KCNH7: variants seen among roughly 807,000 people sequenced by gnomAD.
The protein encoded by KCNH7 is potassium voltage-gated channel subfamily H member 7.
KCNH7 carries 49 observed loss-of-function variants against 120.8 expected under a neutral mutation model. The ratio of observed to expected loss-of-function variants is 0.41; its 90% confidence interval spans 0.32 to 0.51. The LOEUF (loss-of-function observed/expected upper bound fraction) is 0.51. Ranked by LOEUF, KCNH7 falls within the 20% of genes least tolerant of loss-of-function variation. The pLI is 0.38. For missense variants in KCNH7, 1,097 were observed against 1,446.6 expected (o/e 0.76, Z 3.92); for synonymous variants, 547 against 516.1 (o/e 1.06, Z -0.81).
At chr2:162,659,890 T>G (rs1399244289) in intron 2 of KCNH7, among the ~76,000 whole-genome samples, 1 of 152,168 alleles carries the variant, frequency 6.6e-6, no homozygotes, top group East Asian at 1.9e-4. Flanking sequence ...CTGGTAGAAC[T>G]CACCATTGAA....
chr2:162,645,956 T>C (rs116057205), intron 2 of KCNH7, among the ~76,000 whole-genome samples: 63 of 152,310 alleles, frequency 4.1e-4, no homozygotes, highest in Non-Finnish European at 6.9e-4. Flanking sequence ...GTCACAGTTA[T>C]TTGCCCATCT....
intron 8 of KCNH7, among the ~76,000 whole-genome samples, chr2:162,424,357 G>A (rs1379986504): frequency 6.6e-6 from 1 of 152,058 alleles, no homozygotes; most frequent in East Asian, 1.9e-4. Context: ...AGCTCTTTAA[G>A]CACTTTCTCT....
At chr2:162,647,166 TG>T (rs1458411694) in intron 2 of KCNH7, among the ~76,000 whole-genome samples, 6 of 152,166 alleles carry the variant, frequency 3.9e-5, no homozygotes, top group Non-Finnish European at 8.8e-5. Context: ...ATGGGTGTCA[TG>T]TTAATTAGTT....
intron 2 of KCNH7, among the ~76,000 whole-genome samples, chr2:162,812,247 A>G (rs2105570772): frequency 6.6e-6 from 1 of 152,234 alleles, no homozygotes; most frequent in African/African-American, 2.4e-5. Context: ...GCCCCTAAAT[A>G]TTTGAGGAAA....
At chr2:162,535,632 A>G (rs1692078131) in intron 3 of KCNH7, among the ~76,000 whole-genome samples, 1 of 151,826 alleles carries the variant, frequency 6.6e-6, no homozygotes, top group African/African-American at 2.4e-5. Flanking sequence ...TAACTTATAC[A>G]ATTAATGTGA....
chr2:162,423,573 C>A, intron 8 of KCNH7, 38 bp from the exon 9 acceptor site: 2 of 1,566,270 alleles, frequency 1.3e-6, no homozygotes, highest in Middle Eastern at 1.7e-4. Flanking sequence ...GGGGAAACTG[C>A]ACATAGGTGT....
At chr2:162,790,844 G>T (rs1574395787) in intron 2 of KCNH7, among the ~76,000 whole-genome samples, 1 of 151,838 alleles carries the variant, frequency 6.6e-6, no homozygotes, top group African/African-American at 2.4e-5. Flanking sequence ...CATTAAAAAG[G>T]CCATATATAA....
intron 6 of KCNH7, among the ~76,000 whole-genome samples, chr2:162,463,880 AATATTAGGTTT>A (rs1689229047): frequency 6.6e-6 from 1 of 151,882 alleles, no homozygotes; most frequent in Non-Finnish European, 1.5e-5. Flanking sequence ...CAATTAGAAA[AATATTAGGTTT>A]TAATTATGAT....
intron 6 of KCNH7, among the ~76,000 whole-genome samples, chr2:162,470,377 G>A (rs1689470526): frequency 6.6e-6 from 1 of 151,336 alleles, no homozygotes; most frequent in African/African-American, 2.4e-5. Flanking sequence ...TGGGAGGTGA[G>A]GAGCGTCTCT....
chr2:162,652,479 CCTCAGATCAT>C (rs1485093459), intron 2 of KCNH7, among the ~76,000 whole-genome samples: 1 of 152,102 alleles, frequency 6.6e-6, no homozygotes, highest in African/African-American at 2.4e-5. Context: ...AACTGTTCCA[CCTCAGATCAT>C]CTCAGATCAT....
Position 162,648,402 on chromosome 2 carries a change from C to T in KCNH7, c.308-111322G>A, listed in dbSNP as rs11898118. Among the ~76,000 whole-genome samples the T allele has an allele frequency of 2.7e-3, 407 of 152,298 alleles. 3 individuals are homozygous for T. Among genetic ancestry groups the T allele is most frequent in the African/African-American group, 8.9e-3 (371 of 41,568 alleles). On this transcript the variant is annotated intron_variant, in intron 2 of 15. Coordinates refer to ENST00000332142, the MANE Select transcript of KCNH7 (RefSeq NM_033272.4). ...GCCCCCATGATTCAGTCACCTCCCA[C>T]CAGGTCCTTCCTTCAACACATGGAT...
Position 162,372,032 on chromosome 2 carries a change from C to T in KCNH7, c.3388G>A (p.Val1130Met). ...LKSKESLSSGVHLNTASEDNL... is the reference protein window; with the variant it reads ...LKSKESLSSGMHLNTASEDNL... ...TCTTCTGAAGCTGTGTTCAGATGCA[C>T]CCCACTTGAAAGGGATTCTTTGGAT... The change falls in exon 16 of 16, where the codon GTG becomes ATG. Residue 1130 changes from valine (V) to methionine (M), a missense_variant. Coordinates refer to ENST00000332142, the MANE Select transcript of KCNH7 (RefSeq NM_033272.4). The T allele has an allele frequency of 6.2e-7, 1 of 1,612,836 alleles. No homozygotes were observed. Among genetic ancestry groups the T allele is most frequent in the Non-Finnish European group, 8.5e-7 (1 of 1,178,974 alleles).
At chr2:162,406,288 A>C (rs1687217776) in intron 9 of KCNH7, among the ~76,000 whole-genome samples, 1 of 151,942 alleles carries the variant, frequency 6.6e-6, no homozygotes, top group South Asian at 2.1e-4. Context: ...AAAAGAATCA[A>C]AATGTATTCT....
chr2:162,457,082 A>G (rs1688988247), intron 6 of KCNH7, among the ~76,000 whole-genome samples: 1 of 152,158 alleles, frequency 6.6e-6, no homozygotes, highest in Admixed American at 6.6e-5. Flanking sequence ...AAAGTCACAA[A>G]TAAGTTAAAA....
At chr2:162,715,879 T>C (rs1687100236) in intron 2 of KCNH7, among the ~76,000 whole-genome samples, 1 of 152,132 alleles carries the variant, frequency 6.6e-6, no homozygotes, top group Admixed American at 6.6e-5. Flanking sequence ...TTATGTTAAA[T>C]GTATAGATTA....
At chr2:162,511,645 G>A (rs913298832) in intron 5 of KCNH7, among the ~76,000 whole-genome samples, 1 of 151,630 alleles carries the variant, frequency 6.6e-6, no homozygotes, top group Admixed American at 6.6e-5. Context: ...CTAGGTTGCT[G>A]ACCAAACATT....
intron 2 of KCNH7, among the ~76,000 whole-genome samples, chr2:162,635,947 C>T (rs933550497): frequency 5.9e-5 from 9 of 152,036 alleles, no homozygotes; most frequent in African/African-American, 1.4e-4. Flanking sequence ...CTCTCTCTTA[C>T]GAATAATTCT....
intron 6 of KCNH7, among the ~76,000 whole-genome samples, chr2:162,484,876 C>G (rs560031800): frequency 8.8e-4 from 134 of 152,246 alleles, no homozygotes; most frequent in Admixed American, 4.1e-3. Context: ...CCTTCCATCA[C>G]GAGTGGAAGC....
Position 162,384,701 on chromosome 2 carries a change from A to T in KCNH7, c.2949T>A (p.Ser983Arg). The part of the protein sequence containing the change: ...TSGRMHIDKR[S>R]HSCKDITDMR... ...ACTCTGGATTACCTTTGCAAGAGTG[A>T]CTTCTTTTATCTATGTGCATTCTTC... The change falls in exon 13 of 16, where the codon AGT becomes AGA. Residue 983 changes from serine (S) to arginine (R), a missense_variant. Ser to Arg is a moderately radical substitution (Grantham distance 110). Around this residue, in one of 8 missense-constraint regions of KCNH7, gnomAD observed 406 missense variants for 410.5 expected, o/e 0.99. Coordinates refer to ENST00000332142, the MANE Select transcript of KCNH7 (RefSeq NM_033272.4). 3 of 1,612,264 alleles carry T rather than the reference A, an allele frequency of 1.9e-6. No homozygotes were observed. Among genetic ancestry groups the T allele is most frequent in the Non-Finnish European group, 2.5e-6 (3 of 1,178,824 alleles).
Sources: gnomAD v4.1 joint callset for allele counts (sites outside exome capture counted in the v4.1 genomes callset) on GRCh38, gnomAD v4.1.1 for gene constraint, gnomAD v4.1.1 regional missense constraint, MANE v1.5 for transcripts, NCBI Gene and HGNC (gene_info 2026-07-23, HGNC 2026-07-21) for gene names.